ARL15: variants seen among roughly 807,000 people sequenced by gnomAD.
The protein encoded by ARL15 is ADP-ribosylation factor-like protein 15.
ARL15 carries 19 observed loss-of-function variants against 25.2 expected under a neutral mutation model. The ratio of observed to expected loss-of-function variants is 0.75; its 90% CI spans 0.53 to 1.10. ARL15 has a LOEUF of 1.10. Among genes scored for constraint, ARL15 ranks in the 50% least tolerant of loss-of-function variants. ARL15 has a pLI of 0.00. For synonymous variants in ARL15, 94 were observed against 86.8 expected, an observed-to-expected ratio of 1.08 and a Z score of -0.46; for missense variants, 220 against 246.0, an observed-to-expected ratio of 0.89 and a Z score of 0.71.
intron 4 of ARL15, among the ~76,000 whole-genome samples, chr5:53,958,670 G>A (rs938155617): frequency 1.3e-5 from 2 of 152,106 alleles, no homozygotes; most frequent in African/African-American, 4.8e-5. Context: ...CTGTTTATAA[G>A]AAACTCACTT....
intron 1 of ARL15, among the ~76,000 whole-genome samples, chr5:54,182,550 A>G (rs1426921190): frequency 2.0e-5 from 3 of 149,200 alleles, no homozygotes; most frequent in Non-Finnish European, 4.5e-5. Flanking sequence ...TGGTTACTGT[A>G]GCCTTGTAGT....
chr5:54,066,737 G>A (rs1751245841), intron 4 of ARL15, among the ~76,000 whole-genome samples: 1 of 152,080 alleles, frequency 6.6e-6, no homozygotes. Flanking sequence ...CTGAGATTAA[G>A]AAATCTTATA....
At chr5:54,010,951 G>A (rs1749218794) in intron 4 of ARL15, among the ~76,000 whole-genome samples, 1 of 149,252 alleles carries the variant, frequency 6.7e-6, no homozygotes, top group African/African-American at 2.5e-5. Context: ...AGTGAGCTGA[G>A]ATCGCGCCAC....
intron 4 of ARL15, among the ~76,000 whole-genome samples, chr5:53,887,686 A>G (rs1394694580): frequency 6.6e-6 from 1 of 152,242 alleles, no homozygotes; most frequent in African/African-American, 2.4e-5. Flanking sequence ...CATCAAATAC[A>G]GTTAGTAGCA....
chr5:53,929,312 G>A (rs2112044589), intron 4 of ARL15, among the ~76,000 whole-genome samples: 1 of 152,272 alleles, frequency 6.6e-6, no homozygotes, highest in Admixed American at 6.5e-5. Context: ...AAAAAGTCAA[G>A]AGTTATGTAA....
intron 3 of ARL15, among the ~76,000 whole-genome samples, chr5:54,114,058 AATGAG>A (rs1752818365): frequency 6.6e-6 from 1 of 152,156 alleles, no homozygotes; most frequent in Non-Finnish European, 1.5e-5. Flanking sequence ...TTATGATCTC[AATGAG>A]ATAAGATGTT....
At chr5:53,937,779 C>T (rs1208873297) in intron 4 of ARL15, among the ~76,000 whole-genome samples, 1 of 151,546 alleles carries the variant, frequency 6.6e-6, no homozygotes, top group African/African-American at 2.4e-5. Context: ...CTAACACCAA[C>T]CATGATGTGC....
intron 1 of ARL15, among the ~76,000 whole-genome samples, chr5:54,229,557 A>G (rs1756612237): frequency 6.6e-6 from 1 of 152,214 alleles, no homozygotes; most frequent in Non-Finnish European, 1.5e-5. Context: ...TTTAGAGACA[A>G]GTCACCAAGA....
At position 54,128,741 on chromosome 5, in the gene ARL15, T is replaced by C. The variant is rs33998720; in HGVS notation, c.254-15331A>G. ...TTTTTTTTGAGATGGAGTCTCGCTC[T>C]GTCGCCCAGACTGTAGTGCAATGGC... On this transcript the variant is annotated intron_variant, in intron 3 of 4. Coordinates refer to ENST00000504924, the MANE Select transcript of ARL15 (RefSeq NM_019087.3). 9.8e-3 allele frequency among the ~76,000 whole-genome samples: 1,459 copies of C among 148,712 alleles called. 20 individuals are homozygous for C. Among genetic ancestry groups the C allele is most frequent in the Middle Eastern group, 0.041 (12 of 290 alleles).
intron 2 of ARL15, among the ~76,000 whole-genome samples, chr5:54,162,403 C>T (rs1268256420): frequency 6.6e-6 from 1 of 152,164 alleles, no homozygotes; most frequent in Non-Finnish European, 1.5e-5. Context: ...CTCCATGCTC[C>T]AGCATTTCCC....
intron 4 of ARL15, among the ~76,000 whole-genome samples, chr5:53,938,674 A>G (rs1439589345): frequency 6.6e-6 from 1 of 152,156 alleles, no homozygotes; most frequent in Non-Finnish European, 1.5e-5. Flanking sequence ...AAAAATATAA[A>G]AATTGGCCGG....
At chr5:54,101,930 A>G (rs372458808) in intron 4 of ARL15, among the ~76,000 whole-genome samples, 1 of 152,184 alleles carries the variant, frequency 6.6e-6, no homozygotes, top group African/African-American at 2.4e-5. Context: ...GTCTATTTAA[A>G]TAATTTACAT....
intron 1 of ARL15, among the ~76,000 whole-genome samples, chr5:54,219,702 AAAG>A (rs1756315388): frequency 6.6e-6 from 1 of 152,170 alleles, no homozygotes; most frequent in Non-Finnish European, 1.5e-5. Flanking sequence ...GGGAAAAAGA[AAAG>A]AAACAGAATG....
At chr5:54,260,771 C>T (rs978166157) in intron 1 of ARL15, among the ~76,000 whole-genome samples, 2 of 152,210 alleles carry the variant, frequency 1.3e-5, no homozygotes, top group South Asian at 2.1e-4. Context: ...TTCCACGCTA[C>T]AGTCCAGCCC....
chr5:54,116,928 T>C (rs1199906651), intron 3 of ARL15, among the ~76,000 whole-genome samples: 1 of 152,036 alleles, frequency 6.6e-6, no homozygotes, highest in African/African-American at 2.4e-5. Context: ...AGAAAAGAAA[T>C]GGAACCCTAT....
chr5:54,118,418 G>A (rs1020044922), intron 3 of ARL15, among the ~76,000 whole-genome samples: 2 of 151,964 alleles, frequency 1.3e-5, no homozygotes, highest in Non-Finnish European at 2.9e-5. Context: ...TTTCAAAATT[G>A]TTGATTTTCA....
intron 4 of ARL15, among the ~76,000 whole-genome samples, chr5:53,934,287 C>T (rs1027645248): frequency 2.6e-4 from 39 of 152,156 alleles, no homozygotes; most frequent in Admixed American, 9.8e-4. Context: ...ATGCAGAATT[C>T]CCGGATGCTG....
At chr5:54,003,044 G>A (rs1307411495) in intron 4 of ARL15, among the ~76,000 whole-genome samples, 1 of 152,166 alleles carries the variant, frequency 6.6e-6, no homozygotes, top group Non-Finnish European at 1.5e-5. Context: ...GCTTTAGTCT[G>A]GAGACTAAAT....
At chr5:54,201,215 C>G (rs1755713602) in intron 1 of ARL15, among the ~76,000 whole-genome samples, 1 of 152,008 alleles carries the variant, frequency 6.6e-6, no homozygotes, top group African/African-American at 2.4e-5. Context: ...CCCAGGTGCA[C>G]CTCTTTCCAT....
Sources: gnomAD v4.1 joint callset for allele counts (sites outside exome capture counted in the v4.1 genomes callset) on GRCh38, gnomAD v4.1.1 for gene constraint, MANE v1.5 for transcripts, NCBI Gene and HGNC (gene_info 2026-07-23, HGNC 2026-07-21) for gene names.